ASB17: variants seen among roughly 807,000 people sequenced by gnomAD.
ASB17 encodes the protein ankyrin repeat and SOCS box containing 17, also known as ankyrin repeat and SOCS box protein 17.
A neutral mutation model predicts 25.7 loss-of-function variants in ASB17; 26 were observed. The ratio of observed to expected loss-of-function variants is 1.01; its 90% CI spans 0.74 to 1.40. The LOEUF (loss-of-function observed/expected upper bound fraction) is 1.40, where lower values mean the gene tolerates loss of function less well. ASB17 is among the 40% of genes most tolerant of loss of function. ASB17 has a pLI of 0.00. For missense variants in ASB17, 326 were observed against 338.5 expected, an observed-to-expected ratio of 0.96 and a Z score of 0.29; for synonymous variants, 128 against 121.4, an observed-to-expected ratio of 1.05 and a Z score of -0.36.
At position 75,919,100 on chromosome 1, in the gene ASB17, G is replaced by C; in HGVS notation, c.740C>G (p.Ser247Ter). ...TTCACATGGATCTTTGTATCTTGTT[G>C]AAGGAATGTAATCAAACCAATTTGA... Reference protein sequence around the residue: ...IISNWFDYIPSTRYKDPCELL... With the variant: ...IISNWFDYIP Residue 247 changes from serine to a stop codon, truncating the protein, a stop_gained, in exon 3 of 3, where the codon TCA (serine) becomes TGA (stop). Coordinates refer to ENST00000284142, the MANE Select transcript of ASB17 (RefSeq NM_080868.3). LOFTEE classifies it high-confidence loss of function. 2 of 1,613,206 alleles carry C rather than the reference G, an allele frequency of 1.2e-6. No individual in the cohort carries two copies. Among genetic ancestry groups the C allele is most frequent in the Non-Finnish European group, 1.7e-6 (2 of 1,179,544 alleles).
At chr1:75,930,317 T>A (rs1379272177) in intron 1 of ASB17, among the ~76,000 whole-genome samples, 1 of 147,164 alleles carries the variant, frequency 6.8e-6, no homozygotes, top group East Asian at 1.9e-4. Context: ...AACATGTATA[T>A]ATATAACTAC....
intron 1 of ASB17, among the ~76,000 whole-genome samples, chr1:75,928,291 T>C (rs1351464074): frequency 6.6e-6 from 1 of 152,210 alleles, no homozygotes. Context: ...TCTACTTTGT[T>C]TTTGTATCCC....
At chr1:75,928,160 C>A (rs1653223988) in intron 1 of ASB17, among the ~76,000 whole-genome samples, 2 of 152,144 alleles carry the variant, frequency 1.3e-5, no homozygotes, top group Admixed American at 6.5e-5. Context: ...TTAACAATTT[C>A]CTTCTCTGCT....
intron 1 of ASB17, among the ~76,000 whole-genome samples, chr1:75,923,357 C>A (rs1435188532): frequency 1.3e-5 from 2 of 152,050 alleles, no homozygotes; most frequent in Admixed American, 6.6e-5. Context: ...TTAAAAATTT[C>A]TCTTCCCTTA....
intron 1 of ASB17, among the ~76,000 whole-genome samples, chr1:75,922,806 T>C (rs1653068700): frequency 6.6e-6 from 1 of 152,156 alleles, no homozygotes; most frequent in Non-Finnish European, 1.5e-5. Flanking sequence ...TATATATTTC[T>C]TAAAAGGAGT....
intron 1 of ASB17, among the ~76,000 whole-genome samples, chr1:75,928,919 T>C (rs779950759): frequency 9.9e-5 from 15 of 152,178 alleles, no homozygotes; most frequent in Non-Finnish European, 1.9e-4. Flanking sequence ...AGAATTAAAG[T>C]AAACTACTGT....
chr1:75,929,213 A>T (rs11161904), intron 1 of ASB17, among the ~76,000 whole-genome samples: 67,680 of 151,036 alleles, frequency 0.45, 16,485 homozygotes, highest in East Asian at 0.96. Flanking sequence ...ATTTTTTTTT[A>T]TTTATTTATT....
chr1:75,926,601 T>C (rs979763643), intron 1 of ASB17, among the ~76,000 whole-genome samples: 1 of 152,164 alleles, frequency 6.6e-6, no homozygotes, highest in African/African-American at 2.4e-5. Flanking sequence ...GGACAAGCCA[T>C]TGGAGGTTTT....
chr1:75,922,393 A>G, intron 1 of ASB17, 34 bp from the exon 2 acceptor site: 2 of 1,474,672 alleles, frequency 1.4e-6, no homozygotes, highest in East Asian at 2.3e-5. Flanking sequence ...CTCATTGGAT[A>G]TAGAATTAAG....
intron 1 of ASB17, among the ~76,000 whole-genome samples, chr1:75,922,751 C>T (rs975123415): frequency 6.6e-6 from 1 of 152,056 alleles, no homozygotes; most frequent in African/African-American, 2.4e-5. Context: ...CTGCCTCAGC[C>T]TCCTAGAGTG....
Position 75,932,314 on chromosome 1 carries a change from G to GAAATAAAAT in ASB17, c.-32_-24dup. 1 of 1,561,204 alleles carries GAAATAAAAT rather than the reference G, an allele frequency of 6.4e-7. No homozygotes were observed. The highest frequency in any genetic ancestry group is 8.7e-7 in the Non-Finnish European group (1 of 1,153,362). ...CATTGTTACTTATAGCAGCACTGTA[G>GAAATAAAAT]AAATAAAATCAGAGGTAAGCATACT... On this transcript the variant is annotated 5_prime_UTR_variant, in exon 1 of 3. Coordinates refer to ENST00000284142, the MANE Select transcript of ASB17 (RefSeq NM_080868.3).
chr1:75,928,248 T>C (rs1029417057), intron 1 of ASB17, among the ~76,000 whole-genome samples: 1 of 152,228 alleles, frequency 6.6e-6, no homozygotes, highest in African/African-American at 2.4e-5. Flanking sequence ...CCTCACTTAC[T>C]AGTATATGAG....
chr1:75,932,273 A>G lies in ASB17; in HGVS notation c.19T>C (p.Leu7=), dbSNP rs757646482. The G allele has an allele frequency of 9.3e-6, 15 of 1,608,342 alleles. No individual in the cohort carries two copies. The South Asian group carries it at 1.1e-4, about 12-fold the overall frequency. MSKSTK[L]CGKTSCPRSN... ...CTTGGACAAGAAGTCTTACCACATA[A>G]TTTAGTAGATTTACTCATTGTTACT... The change falls in exon 1 of 3, where the codon TTA becomes CTA. Residue 7 remains leucine, a synonymous_variant. Transcript: ENST00000284142.
At chr1:75,930,264 A>G (rs1411317797) in intron 1 of ASB17, among the ~76,000 whole-genome samples, 11 of 147,500 alleles carry the variant, frequency 7.5e-5, no homozygotes, top group Non-Finnish European at 1.5e-4. Context: ...AACTAGTTAT[A>G]TTTATATTTA....
Position 75,922,295 on chromosome 1 carries a change from G to T in ASB17, c.466C>A (p.Gln156Lys), listed in dbSNP as rs1016240958. ...SGITPLFYVA[Q>K]TRQSNIFKIL... The stretch of plus-strand genomic sequence containing the variant: ...TTGAAGATATTAGACTGTCTTGTCT[G>T]AGCTACATAAAAGAGAGGTGTGATG... The change falls in exon 2 of 3, where the codon CAG (glutamine) becomes AAG (lysine). Residue 156 changes from glutamine to lysine, a missense_variant. Gln to Lys is a moderately conservative substitution (Grantham distance 53). Transcript: ENST00000284142. 1.2e-6 allele frequency: 2 copies of T among 1,613,282 alleles called. No individual in the cohort carries two copies. The highest frequency in any genetic ancestry group is 1.7e-6 in the Non-Finnish European group (2 of 1,179,588).
rs1378320057 is a variant in ASB17, at chr1:75,932,239, A to T, written c.53T>A (p.Ile18Lys). 1.9e-6 allele frequency: 3 copies of T among 1,613,720 alleles called. No individual in the cohort carries two copies. The highest frequency in any genetic ancestry group is 2.5e-6 in the Non-Finnish European group (3 of 1,179,802). The part of the protein sequence containing the change: ...CGKTSCPRSN[I>K]FCNLLDKIVK... ...AATTTTGTCAAGGAGATTGCAGAAT[A>T]TATTGCTTCTTGGACAAGAAGTCTT... Residue 18 changes from isoleucine (I) to lysine (K), a missense_variant, in exon 1 of 3, where the codon ATA becomes AAA. By Grantham distance (102) the Ile-to-Lys change is moderately radical. Transcript: ENST00000284142.
intron 1 of ASB17, among the ~76,000 whole-genome samples, chr1:75,927,347 T>G (rs1371673736): frequency 1.3e-5 from 2 of 151,818 alleles, no homozygotes; most frequent in African/African-American, 4.8e-5. Flanking sequence ...TTTCGACCAC[T>G]CTCAAAATTT....
At position 75,918,942 on chromosome 1, in the gene ASB17, C is replaced by T. The variant is rs752525901; in HGVS notation, c.*10G>A. On this transcript the variant is annotated 3_prime_UTR_variant, in exon 3 of 3. Transcript: ENST00000284142. ...AAGCATTGTTAAGGAACTTAGGACA[C>T]TGACGTATGTTAGATTTCTAAATTC... 6 of 1,597,990 alleles carry T rather than the reference C, an allele frequency of 3.8e-6. No homozygotes were observed. The highest frequency in any genetic ancestry group is 5.1e-6 in the Non-Finnish European group (6 of 1,165,756).
At chr1:75,931,469 G>C (rs1571021304) in intron 1 of ASB17, among the ~76,000 whole-genome samples, 1 of 152,040 alleles carries the variant, frequency 6.6e-6, no homozygotes, top group Non-Finnish European at 1.5e-5. Context: ...ACACAAATAG[G>C]GAACTATTGT....
Sources: gnomAD v4.1 joint callset for allele counts (sites outside exome capture counted in the v4.1 genomes callset) on GRCh38, gnomAD v4.1.1 for gene constraint, MANE v1.5 for transcripts, NCBI Gene and HGNC (gene_info 2026-07-23, HGNC 2026-07-21) for gene names.